The following DZIP3 variants were observed in gnomAD, a reference collection of about 807,000 sequenced individuals.
DZIP3 encodes the protein E3 ubiquitin-protein ligase DZIP3.
In DZIP3, 118 loss-of-function variants were observed where a neutral mutation model predicts 162.0. The observed-to-expected ratio is 0.73, with a 90% CI of 0.63 to 0.85. DZIP3 has a LOEUF of 0.85. DZIP3 is among the 40% of genes least tolerant of loss of function. DZIP3 has a pLI of 0.00. For synonymous variants in DZIP3, 438 were observed against 458.6 expected (o/e 0.96, Z 0.57); for missense variants, 1,331 against 1,407.0 (o/e 0.95, Z 0.86).
In DZIP3 at chr3:108,644,233, G is replaced by C; in HGVS notation, c.1211G>C (p.Gly404Ala). 6.2e-7 allele frequency: 1 copy of C among 1,612,976 alleles called. No homozygotes were observed. The highest frequency in any genetic ancestry group is 8.5e-7 in the Non-Finnish European group (1 of 1,179,690). ...CTGCTTCATATAATTATTATTTCTG[G>C]TACTGACATTGTTCGACAAATATTT... ...YHLLHIIIIS[G>A]TDIVRQIFDE... Residue 404 changes from glycine to alanine, a missense_variant, in exon 14 of 33, where the codon GGT becomes GCT. Physicochemically the swap from Gly to Ala is moderately conservative, Grantham distance 60 (BLOSUM62 0). Around this residue, in one of 2 missense-constraint regions of DZIP3, gnomAD observed 1,278 missense variants for 1,317.1 expected, o/e 0.97. Coordinates refer to ENST00000361582, the MANE Select transcript of DZIP3 (RefSeq NM_014648.4).
intron 26 of DZIP3, among the ~76,000 whole-genome samples, chr3:108,680,756 A>G (rs1944276732): frequency 6.6e-6 from 1 of 152,172 alleles, no homozygotes; most frequent in African/African-American, 2.4e-5. Flanking sequence ...CAAAACAGAT[A>G]TATAGACCAA....
chr3:108,619,405 T>G (rs970251319), intron 5 of DZIP3, among the ~76,000 whole-genome samples: 2 of 152,068 alleles, frequency 1.3e-5, no homozygotes, highest in Non-Finnish European at 2.9e-5. Context: ...TATATGTGAT[T>G]TATTATGAGG....
intron 5 of DZIP3, among the ~76,000 whole-genome samples, chr3:108,620,151 A>T (rs1941252937): frequency 6.6e-6 from 1 of 152,194 alleles, no homozygotes; most frequent in African/African-American, 2.4e-5. Context: ...GAGAAGCTAC[A>T]CAGCATATAC....
In DZIP3 at chr3:108,619,032, G is replaced by T. The variant is rs996740910; in HGVS notation, c.375+2375G>T. On this transcript the variant is annotated intron_variant, in intron 5 of 32. Coordinates refer to ENST00000361582, the MANE Select transcript of DZIP3 (RefSeq NM_014648.4). ...GCCAAGATTATGCCACTGCACTCCA[G>T]CCTAGGTGACAGATTGAGACTCCAT... Among the ~76,000 whole-genome samples the T allele has an allele frequency of 2.5e-4, 28 of 113,588 alleles. No individual in the cohort carries two copies. The Admixed American group carries it at 3.6e-3, about 15-fold the overall frequency. The allele number at this position is 113,588 out of a possible 152,430, so 74.5% of individuals were successfully genotyped here. A position where few individuals can be genotyped will look rare whatever the true frequency, so the allele number is the denominator to read the frequency against.
chr3:108,616,911 C>T (rs572006157), intron 5 of DZIP3, among the ~76,000 whole-genome samples: 18 of 152,192 alleles, frequency 1.2e-4, no homozygotes, highest in Admixed American at 3.9e-4. Flanking sequence ...AGTCTCCTTC[C>T]CTACCACAAA....
intron 19 of DZIP3, among the ~76,000 whole-genome samples, chr3:108,660,134 A>G (rs905083953): frequency 6.6e-5 from 10 of 152,132 alleles, no homozygotes; most frequent in African/African-American, 2.2e-4. Context: ...ATTGGAAAAA[A>G]CCACTTTAAA....
chr3:108,689,021 A>G (rs1218644227), intron 31 of DZIP3, 97 bp downstream of exon 31: 32 of 1,193,066 alleles, frequency 2.7e-5, no homozygotes, highest in Non-Finnish European at 3.3e-5. Flanking sequence ...TTGTCTCACA[A>G]GTTCCACTGG....
intron 25 of DZIP3, among the ~76,000 whole-genome samples, chr3:108,677,042 A>C (rs1277738624): frequency 1.3e-5 from 2 of 152,188 alleles, no homozygotes; most frequent in Non-Finnish European, 2.9e-5. Flanking sequence ...GTAGAATTTC[A>C]TAAGTAATCT....
rs759665905 is a variant in DZIP3, at chr3:108,648,039, T to G, written c.1889T>G (p.Phe630Cys). The change falls in exon 16 of 33, where the codon TTT (phenylalanine) becomes TGT (cysteine). Residue 630 changes from phenylalanine to cysteine, a missense_variant. Physicochemically the swap from Phe to Cys is radical, Grantham distance 205. Transcript: ENST00000361582. ...INVKSHPEIQ[F>C]AEINKDGTSI... Reference sequence around the variant, plus strand: ...GTGAAATCACACCCTGAGATACAGTTTGCAGAAATTAATAAAGATGGGACC... The same window carrying G: ...GTGAAATCACACCCTGAGATACAGTGTGCAGAAATTAATAAAGATGGGACC... 1.2e-5 allele frequency: 20 copies of G among 1,612,176 alleles called. No individual in the cohort carries two copies. Among genetic ancestry groups the G allele is most frequent in the Non-Finnish European group, 1.6e-5 (19 of 1,179,198 alleles).
At chr3:108,675,703 C>T in intron 24 of DZIP3, 83 bp from the exon 25 acceptor site, 1 of 1,219,906 alleles carries the variant, frequency 8.2e-7, no homozygotes. Flanking sequence ...GACATATATG[C>T]TAGAAAGCGT....
chr3:108,611,349 T>C lies in DZIP3; in HGVS notation c.258+20T>C, dbSNP rs1231418059. On this transcript the variant is annotated intron_variant, in intron 4 of 32. Coordinates refer to ENST00000361582, the MANE Select transcript of DZIP3 (RefSeq NM_014648.4). ...ATGCAGGTAACGTCATAAGTTGTTA[T>C]TTGGGGCAGAAGTGCAGCTGTCTGT... 2 of 1,610,262 alleles carry C rather than the reference T, an allele frequency of 1.2e-6. No homozygotes were observed. The highest frequency in any genetic ancestry group is 1.7e-6 in the Non-Finnish European group (2 of 1,178,722).
At position 108,624,309 on chromosome 3, in the gene DZIP3, A is replaced by G. The variant is rs1366381854; in HGVS notation, c.376-135A>G. 3 of 573,194 alleles carry G rather than the reference A, an allele frequency of 5.2e-6. No individual in the cohort carries two copies. The Admixed American group carries it at 1.1e-4, about 22-fold the overall frequency. The allele number at this position is 573,194 out of a possible 1,614,324, so 35.5% of individuals were successfully genotyped here. Reference sequence around the variant, plus strand: ...TCTAAAATACATTATCGTTATTATTAGATGACTGATAATGTTTTGATAATT... The same window carrying G: ...TCTAAAATACATTATCGTTATTATTGGATGACTGATAATGTTTTGATAATT... On this transcript the variant is annotated intron_variant, in intron 5 of 32. Transcript: ENST00000361582.
intron 24 of DZIP3, among the ~76,000 whole-genome samples, chr3:108,674,601 T>G (rs1944037338): frequency 6.6e-6 from 1 of 151,922 alleles, no homozygotes; most frequent in Non-Finnish European, 1.5e-5. Context: ...AAGACTTTTT[T>G]TCTAATTGTT....
chr3:108,663,401 A>G (rs1341279199), intron 21 of DZIP3, among the ~76,000 whole-genome samples: 1 of 152,034 alleles, frequency 6.6e-6, no homozygotes, highest in Admixed American at 6.6e-5. Context: ...TACTAAAAAT[A>G]CAAAATTAGC....
chr3:108,622,881 T>TGC (rs1313709754), intron 5 of DZIP3, among the ~76,000 whole-genome samples: 9 of 39,260 alleles, frequency 2.3e-4, no homozygotes, highest in Non-Finnish European at 3.5e-4. Flanking sequence ...TCTCTCTCTC[T>TGC]GTGTGTGTGT....
intron 12 of DZIP3, among the ~76,000 whole-genome samples, chr3:108,641,033 C>T (rs13085471): frequency 0.36 from 54,665 of 151,346 alleles, 10,395 homozygotes; most frequent in East Asian, 0.53. Flanking sequence ...TTAGTTTTCC[C>T]TATCTGTCTT....
At position 108,676,002 on chromosome 3, in the gene DZIP3, C is replaced by T. The variant is rs1005849448; in HGVS notation, c.2781+129C>T. The T allele has an allele frequency of 1.9e-5, 14 of 744,014 alleles. No homozygotes were observed. In the African/African-American group the frequency reaches 2.6e-4, roughly 14 times the overall value. The allele number at this position is 744,014 out of a possible 1,614,324, so 46.1% of individuals were successfully genotyped here. On this transcript the variant is annotated intron_variant, in intron 25 of 32. Transcript: ENST00000361582. ...TTTTAGTTATAAAAGTTTATGCCTT[C>T]ACTTTGAGATTACTTCCATGTGGTT...
chr3:108,609,548 A>C (rs889758708), intron 3 of DZIP3, among the ~76,000 whole-genome samples: 3 of 152,288 alleles, frequency 2.0e-5, no homozygotes, highest in Admixed American at 2.0e-4. Context: ...CTTAAATTAA[A>C]AGTGTGGACC....
intron 12 of DZIP3, among the ~76,000 whole-genome samples, chr3:108,638,926 A>G (rs2107625128): frequency 6.6e-6 from 1 of 152,322 alleles, no homozygotes; most frequent in East Asian, 1.9e-4. Context: ...CATTCGTGCC[A>G]TCTCTTGTCA....
Sources: allele counts gnomAD v4.1 joint callset (sites outside exome capture counted in the v4.1 genomes callset), GRCh38; gene constraint gnomAD v4.1.1; regional missense constraint gnomAD v4.1.1; transcripts MANE v1.5; gene names NCBI Gene and HGNC (gene_info 2026-07-23, HGNC 2026-07-21).